The following LRRC49 variants were observed in gnomAD, a reference collection of about 807,000 sequenced individuals.
The protein encoded by LRRC49 is leucine-rich repeat-containing protein 49.
Under a neutral mutation model 83.3 loss-of-function variants are expected in LRRC49, and 50 were observed. That is an observed-to-expected ratio of 0.60 (90% CI 0.48 to 0.76). LRRC49 has a LOEUF of 0.76. LRRC49 is among the 30% of genes least tolerant of loss of function. LRRC49 has a pLI of 0.00. For missense variants in LRRC49, 704 were observed against 809.1 expected (o/e 0.87, Z 1.58); for synonymous variants, 286 against 283.3 (o/e 1.01, Z -0.10).
chr15:70,890,427 G>A (rs2033523874), upstream of LRRC49, among the ~76,000 whole-genome samples: 1 of 152,142 alleles, frequency 6.6e-6, no homozygotes, highest in African/African-American at 2.4e-5. Flanking sequence ...TTATAGTCAT[G>A]TAATCATTCC....
chr15:71,039,303 C>G (rs949368850), intron 15 of LRRC49, among the ~76,000 whole-genome samples: 5 of 152,022 alleles, frequency 3.3e-5, no homozygotes, highest in African/African-American at 1.2e-4. Context: ...ATCCTTTGGC[C>G]AATAGGGGTT....
chr15:71,045,450 A>G (rs2141311063), intron 15 of LRRC49, among the ~76,000 whole-genome samples: 1 of 152,282 alleles, frequency 6.6e-6, no homozygotes, highest in South Asian at 2.1e-4. Flanking sequence ...AGACATTAGT[A>G]TGCTTCTGCC....
intron 7 of LRRC49, among the ~76,000 whole-genome samples, chr15:70,935,968 T>A (rs2035582084): frequency 6.6e-6 from 1 of 152,152 alleles, no homozygotes. Flanking sequence ...TGTTACTCCA[T>A]TATATATAAA....
chr15:70,859,365 C>T (rs1485112123), intron 1 of LRRC49: 29 of 770,486 alleles, frequency 3.8e-5, no homozygotes, highest in South Asian at 3.5e-4. Context: ...GAAGGGCTGA[C>T]TGACGAGATG....
Position 71,012,827 on chromosome 15 carries a change from G to T in LRRC49, c.1617G>T (p.Met539Ile). 6.2e-7 allele frequency: 1 copy of T among 1,612,012 alleles called. No individual in the cohort carries two copies. The highest frequency in any genetic ancestry group is 1.1e-5 in the South Asian group (1 of 90,898). The change falls in exon 14 of 16, where the codon ATG (methionine) becomes ATT (isoleucine). Residue 539 changes from methionine (M) to isoleucine (I), a missense_variant. Met to Ile is a conservative substitution (Grantham distance 10). This residue lies in a region of LRRC49 where 275 missense variants were observed against 338.0 expected (regional missense o/e 0.81). Transcript: ENST00000260382. ...GTEVTQNDMIMAERLFGILAH... is the reference protein window; with the variant it reads ...GTEVTQNDMIIAERLFGILAH... ...AGGTGACACAGAATGATATGATAAT[G>T]GCTGAAAGGCTCTTTGGAATCCTAG... is the stretch of plus-strand genomic sequence containing the variant.
intron 1 of LRRC49, among the ~76,000 whole-genome samples, chr15:70,856,020 CAA>C (rs1261372515): frequency 6.6e-6 from 1 of 152,100 alleles, no homozygotes; most frequent in Non-Finnish European, 1.5e-5. Flanking sequence ...TCTCGTGTGG[CAA>C]AGACATCAGG....
At chr15:70,952,625 T>A (rs1408048845) in intron 8 of LRRC49, among the ~76,000 whole-genome samples, 2 of 152,078 alleles carry the variant, frequency 1.3e-5, no homozygotes, top group Non-Finnish European at 2.9e-5. Context: ...GTTGGAGTGT[T>A]CTGTAGATGT....
At chr15:70,903,608 T>C (rs997098619) in intron 4 of LRRC49, among the ~76,000 whole-genome samples, 1 of 152,184 alleles carries the variant, frequency 6.6e-6, no homozygotes, top group African/African-American at 2.4e-5. Flanking sequence ...TGATATATTT[T>C]CTTTAAAGCT....
chr15:71,012,787 C>T lies in LRRC49; in HGVS notation c.1594-17C>T. 6.8e-7 allele frequency: 1 copy of T among 1,475,712 alleles called. No individual in the cohort carries two copies. The highest frequency in any genetic ancestry group is 2.3e-5 in the East Asian group (1 of 44,210). 91.4% of individuals were successfully genotyped at this position (1,475,712 alleles called of 1,614,324 possible). ...GTTGGTGTCATTTTTTTACCCCTTTCTATTGTGTCTCTTCAGGTGACACAG... is the reference window on the plus strand; with the variant it reads ...GTTGGTGTCATTTTTTTACCCCTTTTTATTGTGTCTCTTCAGGTGACACAG... On this transcript the variant is annotated splice_polypyrimidine_tract_variant and intron_variant, in intron 13 of 15. Coordinates refer to ENST00000260382, the MANE Select transcript of LRRC49 (RefSeq NM_017691.5).
chr15:70,892,229 TTGG>T (rs1439284172), upstream of LRRC49: 7 of 1,591,178 alleles, frequency 4.4e-6, no homozygotes, highest in Non-Finnish European at 6.0e-6. Flanking sequence ...CTTCCCAGAC[TTGG>T]TGGTGTTGCC....
intron 14 of LRRC49, among the ~76,000 whole-genome samples, chr15:71,018,090 C>T (rs2038883315): frequency 6.6e-6 from 1 of 151,926 alleles, no homozygotes; most frequent in African/African-American, 2.4e-5. Context: ...AGGTAAATCT[C>T]CTGTTCTAAC....
At chr15:71,027,605 C>G (rs1247413583) in intron 14 of LRRC49, among the ~76,000 whole-genome samples, 3 of 151,884 alleles carry the variant, frequency 2.0e-5, no homozygotes, top group Non-Finnish European at 4.4e-5. Flanking sequence ...TGTTTGTGTC[C>G]TCTCTTATTT....
chr15:70,882,558 C>G lies in LRRC49; in HGVS notation c.18+9335C>G, dbSNP rs200034991. The G allele has an allele frequency of 7.7e-5, 124 of 1,613,790 alleles. No homozygotes were observed. Among genetic ancestry groups the G allele is most frequent in the Non-Finnish European group, 9.2e-5 (109 of 1,179,882 alleles). ...GTTTCTGAATCACTGGAGTAAATGT[C>G]AAAGAGAGAGGAAGTTCTAGACCAC... On this transcript the variant is annotated intron_variant, in intron 2 of 16. Coordinates refer to the LRRC49 transcript ENST00000544974.
At chr15:70,857,636 C>T (rs1180646984) in intron 1 of LRRC49, among the ~76,000 whole-genome samples, 3 of 152,156 alleles carry the variant, frequency 2.0e-5, no homozygotes, top group African/African-American at 7.2e-5. Flanking sequence ...GAGACATGAT[C>T]CATGAATACC....
intron 11 of LRRC49, among the ~76,000 whole-genome samples, chr15:70,986,725 G>A (rs1361277448): frequency 6.6e-6 from 1 of 152,148 alleles, no homozygotes; most frequent in African/African-American, 2.4e-5. Flanking sequence ...TTTTCAAAGG[G>A]AATGCTTCCA....
chr15:70,861,431 T>TTTTTTGAGA (rs1364123751), intron 1 of LRRC49, among the ~76,000 whole-genome samples: 3 of 150,316 alleles, frequency 2.0e-5, no homozygotes, highest in South Asian at 2.1e-4. Flanking sequence ...TCCTTCTTCT[T>TTTTTTGAGA]CTCTCCCTTC....
intron 2 of LRRC49, chr15:70,882,108 A>G (rs1030564814): frequency 2.1e-5 from 4 of 191,214 alleles, no homozygotes; most frequent in African/African-American, 7.1e-5. Flanking sequence ...AGCAAATGTC[A>G]AGTCCTGTAG....
intron 1 of LRRC49, among the ~76,000 whole-genome samples, chr15:70,870,585 G>A (rs924589257): frequency 2.6e-5 from 4 of 152,156 alleles, no homozygotes; most frequent in African/African-American, 9.7e-5. Flanking sequence ...CCGCCTCCTG[G>A]GTTCAAGCGA....
chr15:70,854,184 G>T, intron 1 of LRRC49: 1 of 929,870 alleles, frequency 1.1e-6, no homozygotes. Flanking sequence ...GGCGGTGCGA[G>T]CGCGCCTGCC....
Sources: gnomAD v4.1 joint callset for allele counts (sites outside exome capture counted in the v4.1 genomes callset) on GRCh38, gnomAD v4.1.1 for gene constraint, gnomAD v4.1.1 regional missense constraint, MANE v1.5 for transcripts, NCBI Gene and HGNC (gene_info 2026-07-23, HGNC 2026-07-21) for gene names.